The following SAP130 variants were observed in gnomAD, a reference collection of about 807,000 sequenced individuals.
SAP130 encodes histone deacetylase complex subunit SAP130.
A neutral mutation model predicts 103.2 loss-of-function variants in SAP130; 16 were observed. That is an observed-to-expected ratio of 0.16 (90% CI 0.10 to 0.24). The LOEUF (loss-of-function observed/expected upper bound fraction) is 0.24. Ranked by LOEUF, SAP130 falls within the 10% of genes least tolerant of loss-of-function variation. The pLI is 1.00. For missense variants in SAP130, 990 were observed against 1,359.7 expected, an observed-to-expected ratio of 0.73 and a Z score of 4.28; for synonymous variants, 477 against 497.0, an observed-to-expected ratio of 0.96 and a Z score of 0.53.
rs375613656 is a variant in SAP130 at position 127,955,347 on chromosome 2, A to G, written c.2064-3T>C. 134 of 1,541,974 alleles carry G rather than the reference A, an allele frequency of 8.7e-5. No individual in the cohort carries two copies. Among genetic ancestry groups the G allele is most frequent in the South Asian group, 3.6e-4 (29 of 80,242 alleles). ...GGATTTCAGACTTGGGTTTGGCACT[A>G]AAACACAAAAGAAAAGCACATGTAG... On this transcript the variant is annotated splice_polypyrimidine_tract_variant and splice_region_variant and intron_variant, in intron 15 of 20. Transcript: ENST00000643581. This position sits in a 1 kb window ranked among gnomAD's most constrained non-coding sequence, Gnocchi z 4.9.
chr2:127,969,583 A>G (rs1192960791), intron 15 of SAP130, among the ~76,000 whole-genome samples: 1 of 152,226 alleles, frequency 6.6e-6, no homozygotes, highest in African/African-American at 2.4e-5. Flanking sequence ...AAACAGAAGT[A>G]GCTTGTCTCA....
At chr2:127,952,491 T>C (rs974900144) in intron 16 of SAP130, among the ~76,000 whole-genome samples, 1 of 151,820 alleles carries the variant, frequency 6.6e-6, no homozygotes, top group African/African-American at 2.4e-5. Flanking sequence ...ATCATGTCAC[T>C]TCAAACACCT....
rs752503354 is a variant in SAP130, at chr2:127,955,166, C to T, written c.2242G>A (p.Val748Ile). 3.7e-6 allele frequency: 6 copies of T among 1,614,042 alleles called. No homozygotes were observed. The highest frequency in any genetic ancestry group is 2.2e-5 in the South Asian group (2 of 91,068). ...AAASPPSQPA[V>I]ALSTIPGAVP... ...GCTCCAGGAATGGTTGAAAGGGCAA[C>T]GGCTGGTTGTGACGGGGGACTGGCT... Residue 748 changes from valine (V) to isoleucine (I), a missense_variant, in exon 16 of 21, where the codon GTT (valine) becomes ATT (isoleucine). Coordinates refer to ENST00000643581, the MANE Select transcript of SAP130 (RefSeq NM_001330301.2). This position sits in a 1 kb window ranked among gnomAD's most constrained non-coding sequence, Gnocchi z 4.9.
At position 127,989,005 on chromosome 2, in the gene SAP130, A is replaced by G. The variant is rs1404078466; in HGVS notation, c.1780+559T>C. Among the ~76,000 whole-genome samples, 1 of 152,192 alleles carries G rather than the reference A, an allele frequency of 6.6e-6. No individual in the cohort carries two copies. The highest frequency in any genetic ancestry group is 2.4e-5 in the African/African-American group (1 of 41,450). Reference sequence around the variant, plus strand: ...AAAATCTTCAATGAGAATACTACTTATAAGGTGAATTTTTTCCCACAACTA... The same window carrying G: ...AAAATCTTCAATGAGAATACTACTTGTAAGGTGAATTTTTTCCCACAACTA... On this transcript the variant is annotated intron_variant, in intron 13 of 20. Coordinates refer to ENST00000643581, the MANE Select transcript of SAP130 (RefSeq NM_001330301.2). This position sits in a 1 kb window ranked among gnomAD's most constrained non-coding sequence, Gnocchi z 4.6.
intron 14 of SAP130, among the ~76,000 whole-genome samples, chr2:127,980,741 C>T (rs1292569993): frequency 1.3e-5 from 2 of 152,024 alleles, no homozygotes; most frequent in Admixed American, 6.6e-5. Context: ...CCCGGGAGTT[C>T]GAGACCAGCC....
intron 7 of SAP130, among the ~76,000 whole-genome samples, chr2:128,007,972 C>T (rs1684090279): frequency 6.6e-6 from 1 of 152,168 alleles, no homozygotes. Flanking sequence ...AACCTGCTTT[C>T]CTTCCCTTGT....
intron 15 of SAP130, among the ~76,000 whole-genome samples, chr2:127,976,347 G>GT (rs1317558340): frequency 6.6e-6 from 1 of 151,774 alleles, no homozygotes; most frequent in Non-Finnish European, 1.5e-5. Flanking sequence ...CCTTTACTCT[G>GT]TCTCCCTTTC....
intron 7 of SAP130, among the ~76,000 whole-genome samples, chr2:128,000,732 A>G (rs949427172): frequency 6.6e-6 from 1 of 152,098 alleles, no homozygotes; most frequent in African/African-American, 2.4e-5. Flanking sequence ...AGTTAATATC[A>G]TTATAATAAT....
intron 15 of SAP130, among the ~76,000 whole-genome samples, chr2:127,968,423 T>G (rs1413550070): frequency 1.3e-5 from 2 of 150,786 alleles, no homozygotes; most frequent in African/African-American, 2.4e-5. Context: ...GGTTTTTTTT[T>G]TTTTTTTTTT....
intron 4 of SAP130, among the ~76,000 whole-genome samples, chr2:128,015,402 G>A (rs1172007836): frequency 6.6e-6 from 1 of 152,094 alleles, no homozygotes; most frequent in African/African-American, 2.4e-5. Context: ...CCAAACCACA[G>A]AGTTCAGGGC....
intron 18 of SAP130, among the ~76,000 whole-genome samples, chr2:127,946,242 C>T (rs1679068916): frequency 6.6e-6 from 1 of 152,140 alleles, no homozygotes; most frequent in Non-Finnish European, 1.5e-5. Flanking sequence ...CCTAAAGGTG[C>T]TCCCCATAAC....
chr2:127,956,704 A>T (rs979514054), intron 15 of SAP130, among the ~76,000 whole-genome samples: 1,002 of 3,936 alleles, frequency 0.25, 16 homozygotes, highest in African/African-American at 0.28. Flanking sequence ...AAGTATAATA[A>T]AAAAAAAAAA....
chr2:128,016,353 C>A, intron 4 of SAP130, 36 bp downstream of exon 4: 1 of 1,594,572 alleles, frequency 6.3e-7, no homozygotes, highest in South Asian at 1.1e-5. Flanking sequence ...TTTGGCATTT[C>A]AGTTTGAAAA....
intron 14 of SAP130, among the ~76,000 whole-genome samples, chr2:127,983,038 A>C (rs1190546537): frequency 6.6e-6 from 1 of 152,144 alleles, no homozygotes; most frequent in Non-Finnish European, 1.5e-5. Flanking sequence ...GCATTCAAGC[A>C]CCTGAGGGGC....
At position 127,953,616 on chromosome 2, in the gene SAP130, T is replaced by C. The variant is rs760359292; in HGVS notation, c.2422+1370A>G. Among the ~76,000 whole-genome samples the C allele has an allele frequency of 3.3e-5, 5 of 152,142 alleles. No individual in the cohort carries two copies. Among genetic ancestry groups the C allele is most frequent in the African/African-American group, 4.8e-5 (2 of 41,454 alleles). ...CCTTATTACTTAGCTCCAGCGACCT[T>C]TGGTTCTTTGCTATATTTTGAGCAC... is the stretch of plus-strand genomic sequence containing the variant. On this transcript the variant is annotated intron_variant, in intron 16 of 20. Coordinates refer to ENST00000643581, the MANE Select transcript of SAP130 (RefSeq NM_001330301.2). The surrounding 1 kb of genome is among the most constrained non-coding windows in gnomAD (Gnocchi z 4.0).
chr2:127,965,622 T>G (rs1355270289), intron 15 of SAP130, among the ~76,000 whole-genome samples: 2 of 151,952 alleles, frequency 1.3e-5, no homozygotes, highest in African/African-American at 4.8e-5. Context: ...AAACCCTGTC[T>G]CTACTAAAAA....
At position 128,013,800 on chromosome 2, in the gene SAP130, C is replaced by T. The variant is rs377086291; in HGVS notation, c.620-646G>A. Reference sequence around the variant, plus strand: ...AATTAATCTTAGCCATGTGGTGGCTCACACCTGTAGTCCCAGCCACTCAGG... The same window carrying T: ...AATTAATCTTAGCCATGTGGTGGCTTACACCTGTAGTCCCAGCCACTCAGG... On this transcript the variant is annotated intron_variant, in intron 5 of 20. Coordinates refer to ENST00000643581, the MANE Select transcript of SAP130 (RefSeq NM_001330301.2). Among the ~76,000 whole-genome samples, 47 of 152,298 alleles carry T rather than the reference C, an allele frequency of 3.1e-4. 1 individual carries two copies. The South Asian group carries it at 6.4e-3, about 21-fold the overall frequency.
At chr2:128,026,341 T>C (rs1452924684) in intron 1 of SAP130, 43 bp from the exon 2 acceptor site, 3 of 1,368,896 alleles carry the variant, frequency 2.2e-6, no homozygotes, top group Middle Eastern at 1.8e-4. Flanking sequence ...GATTCTGAGA[T>C]CTGAATCAAT....
Position 127,956,702 on chromosome 2 carries a change from T to TA in SAP130, c.2064-1359dup, listed in dbSNP as rs55931869. The stretch of plus-strand genomic sequence containing the variant: ...ATGTACCCTAGAACTTAAAGTATAA[T>TA]AAAAAAAAAAAAAAAAAAAAAGAAA... On this transcript the variant is annotated intron_variant, in intron 15 of 20. Coordinates refer to ENST00000643581, the MANE Select transcript of SAP130 (RefSeq NM_001330301.2). Among the ~76,000 whole-genome samples, 46 of 111,218 alleles carry TA rather than the reference T, an allele frequency of 4.1e-4. 1 individual carries two copies. Among genetic ancestry groups the TA allele is most frequent in the Admixed American group, 1.7e-3 (18 of 10,514 alleles). 73.0% of individuals were successfully genotyped at this position (111,218 alleles called of 152,430 possible). A position where few individuals can be genotyped will look rare whatever the true frequency, so the allele number is the denominator to read the frequency against.
Sources: gnomAD v4.1 joint callset for allele counts (sites outside exome capture counted in the v4.1 genomes callset) on GRCh38, gnomAD v4.1.1 for gene constraint, Gnocchi (gnomAD v3.1) non-coding constraint, MANE v1.5 for transcripts, NCBI Gene and HGNC (gene_info 2026-07-23, HGNC 2026-07-21) for gene names.